VWA8: variants seen among roughly 807,000 people sequenced by gnomAD.
VWA8 encodes von Willebrand factor A domain containing 8.
VWA8 carries 221 observed loss-of-function variants against 241.5 expected under a neutral mutation model. The ratio of observed to expected loss-of-function variants is 0.91; its 90% CI spans 0.82 to 1.02. VWA8 has a LOEUF of 1.02. Among genes scored for constraint, VWA8 ranks in the 50% least tolerant of loss-of-function variants. The pLI, the probability that VWA8 is intolerant of heterozygous loss-of-function variation, is 0.00. For missense variants in VWA8, 2,322 were observed against 2,328.7 expected (o/e 1.00, Z 0.06); for synonymous variants, 852 against 827.1 (o/e 1.03, Z -0.52).
In VWA8 at chr13:41,909,075, G is replaced by T. The variant is rs571303126; in HGVS notation, c.373-1379C>A. ...AAAAATTTTTTTTTTTTTTTTTTGAGATAGTCTCACTCTGTCACCCAGGCT... is the reference window on the plus strand; with the variant it reads ...AAAAATTTTTTTTTTTTTTTTTTGATATAGTCTCACTCTGTCACCCAGGCT... On this transcript the variant is annotated intron_variant, in intron 3 of 44. Coordinates refer to ENST00000379310, the MANE Select transcript of VWA8 (RefSeq NM_015058.2). Among the ~76,000 whole-genome samples, 73 of 144,794 alleles carry T rather than the reference G, an allele frequency of 5.0e-4. 1 individual carries two copies. The highest frequency in any genetic ancestry group is 1.8e-3 in the African/African-American group (70 of 38,964). The allele number at this position is 144,794 out of a possible 152,430, so 95.0% of individuals were successfully genotyped here.
At chr13:41,959,082 T>G (rs1878472024) in intron 1 of VWA8, among the ~76,000 whole-genome samples, 1 of 152,210 alleles carries the variant, frequency 6.6e-6, no homozygotes. Flanking sequence ...CAAACTTGGT[T>G]TCATGTCTTC....
intron 9 of VWA8, among the ~76,000 whole-genome samples, chr13:41,870,239 A>G (rs1362430985): frequency 6.6e-6 from 1 of 152,194 alleles, no homozygotes; most frequent in Non-Finnish European, 1.5e-5. Context: ...ACAAATAACA[A>G]CTATTGACAC....
chr13:41,617,693 A>G lies in VWA8; in HGVS notation c.4612-2609T>C, dbSNP rs541915968. ...TGTGATGTTCCTCGCCCTGTGTCCA[A>G]GTGTTCTCATTGTTCAATTCCTACC... On this transcript the variant is annotated intron_variant, in intron 37 of 44. Coordinates refer to ENST00000379310, the MANE Select transcript of VWA8 (RefSeq NM_015058.2). Among the ~76,000 whole-genome samples, 27 of 151,902 alleles carry G rather than the reference A, an allele frequency of 1.8e-4. No individual in the cohort carries two copies. The South Asian group carries it at 4.2e-3, about 23-fold the overall frequency.
intron 40 of VWA8, among the ~76,000 whole-genome samples, chr13:41,604,052 C>T (rs143312702): frequency 1.6e-4 from 24 of 152,182 alleles, no homozygotes; most frequent in East Asian, 1.5e-3. Flanking sequence ...CTGAACCATA[C>T]TCATTCTCAA....
At chr13:41,921,293 T>C (rs1315612851) in intron 2 of VWA8, among the ~76,000 whole-genome samples, 4 of 152,078 alleles carry the variant, frequency 2.6e-5, no homozygotes, top group Non-Finnish European at 4.4e-5. Context: ...TATCTCAAAA[T>C]AATAAGAGCT....
intron 12 of VWA8, among the ~76,000 whole-genome samples, chr13:41,845,514 A>T (rs1490635994): frequency 6.6e-6 from 1 of 152,018 alleles, no homozygotes; most frequent in Non-Finnish European, 1.5e-5. Context: ...ACACATGCAC[A>T]TGTATGTTTA....
intron 2 of VWA8, among the ~76,000 whole-genome samples, chr13:41,930,572 A>T (rs536471288): frequency 1.3e-5 from 2 of 152,340 alleles, no homozygotes; most frequent in South Asian, 4.1e-4. Context: ...CTGAGTGTCG[A>T]CATGACACCA....
intron 37 of VWA8, among the ~76,000 whole-genome samples, chr13:41,650,712 T>A (rs2044863713): frequency 6.6e-6 from 1 of 152,208 alleles, no homozygotes; most frequent in Non-Finnish European, 1.5e-5. Flanking sequence ...GGACATACAC[T>A]CTGCTCTGGG....
chr13:41,784,733 C>T (rs1279213925), intron 18 of VWA8, among the ~76,000 whole-genome samples: 44 of 45,266 alleles, frequency 9.7e-4, no homozygotes, highest in South Asian at 2.6e-3. Flanking sequence ...TATATATACA[C>T]ACACATATAT....
chr13:41,956,291 G>A (rs1448695403), intron 1 of VWA8, among the ~76,000 whole-genome samples: 1 of 152,134 alleles, frequency 6.6e-6, no homozygotes, highest in Non-Finnish European at 1.5e-5. Flanking sequence ...GTCCCCTGAG[G>A]GGGAGAAATC....
chr13:41,893,462 T>TA (rs36122223), intron 4 of VWA8, among the ~76,000 whole-genome samples: 4,577 of 131,920 alleles, frequency 0.035, 207 homozygotes, highest in African/African-American at 0.11. Context: ...AAGCTTTATT[T>TA]AAAAAAAAAA....
Position 41,833,355 on chromosome 13 carries a change from T to G in VWA8, c.1586+16A>C, listed in dbSNP as rs1871556836. On this transcript the variant is annotated intron_variant, in intron 13 of 44. Transcript: ENST00000379310. ...GGGGTGTGTGTCTGTGTGTGATTTT[T>G]GTGACTCATACCCACCTTTGCAATA... 6.3e-7 allele frequency: 1 copy of G among 1,591,606 alleles called. No homozygotes were observed. The highest frequency in any genetic ancestry group is 1.8e-5 in the Admixed American group (1 of 56,046).
At chr13:41,883,238 G>A in intron 9 of VWA8, 149 bp downstream of exon 9, 1 of 592,506 alleles carries the variant, frequency 1.7e-6, no homozygotes, top group South Asian at 2.0e-5. Context: ...CTCCATGCCT[G>A]GTAAAGAATG....
At chr13:41,746,673 A>AT (rs2045609603) in intron 21 of VWA8, among the ~76,000 whole-genome samples, 1 of 152,258 alleles carries the variant, frequency 6.6e-6, no homozygotes, top group Non-Finnish European at 1.5e-5. Context: ...GTGATTGAGC[A>AT]TCAAAGTAAG....
chr13:41,935,290 G>T (rs1016141064), intron 2 of VWA8, among the ~76,000 whole-genome samples: 3 of 152,054 alleles, frequency 2.0e-5, no homozygotes, highest in Admixed American at 2.0e-4. Flanking sequence ...AGGCACCTTT[G>T]TTAGGCTTAG....
At chr13:41,574,129 A>G (rs894705678) in intron 43 of VWA8, among the ~76,000 whole-genome samples, 4 of 152,010 alleles carry the variant, frequency 2.6e-5, no homozygotes, top group Admixed American at 2.6e-4. Flanking sequence ...TAAACTTGAA[A>G]ACATAAAAAC....
intron 4 of VWA8, among the ~76,000 whole-genome samples, chr13:41,892,134 C>T (rs555743724): frequency 1.6e-4 from 25 of 152,124 alleles, no homozygotes; most frequent in African/African-American, 5.8e-4. Context: ...TTTACATTGG[C>T]CAATAGCAGA....
At chr13:41,888,373 A>T (rs983266450) in intron 5 of VWA8, among the ~76,000 whole-genome samples, 1 of 152,174 alleles carries the variant, frequency 6.6e-6, no homozygotes, top group Non-Finnish European at 1.5e-5. Context: ...TTAAGATGGC[A>T]CTTAAGGCCT....
At chr13:41,728,618 C>G (rs1459145281) in intron 23 of VWA8, among the ~76,000 whole-genome samples, 2 of 143,396 alleles carry the variant, frequency 1.4e-5, no homozygotes, top group South Asian at 4.4e-4. Flanking sequence ...TCTGAATGAT[C>G]TTTTTTTTTT....
Sources: gnomAD v4.1 joint callset for allele counts (sites outside exome capture counted in the v4.1 genomes callset) on GRCh38, gnomAD v4.1.1 for gene constraint, MANE v1.5 for transcripts, NCBI Gene and HGNC (gene_info 2026-07-23, HGNC 2026-07-21) for gene names.